The following IGSF11 variants were observed in gnomAD, a reference collection of about 807,000 sequenced individuals.
IGSF11 encodes the protein immunoglobulin superfamily member 11, also known as CXADR like 1.
In IGSF11, 22 loss-of-function variants were observed where a neutral mutation model predicts 41.0. That is an observed-to-expected ratio of 0.54 (90% CI 0.38 to 0.77). The LOEUF is 0.77. IGSF11 is among the 30% of genes least tolerant of loss of function. The pLI is 0.00. For synonymous variants in IGSF11, 219 were observed against 201.3 expected (o/e 1.09, Z -0.74); for missense variants, 444 against 530.8 (o/e 0.84, Z 1.61).
chr3:119,142,003 C>T (rs1301875886), intron 1 of IGSF11, among the ~76,000 whole-genome samples: 2 of 151,998 alleles, frequency 1.3e-5, no homozygotes, highest in Non-Finnish European at 1.5e-5. Context: ...TGGCCGGGCG[C>T]GGTGGCTCAC....
At chr3:119,077,659 G>C (rs907019532) in intron 1 of IGSF11, among the ~76,000 whole-genome samples, 36 of 151,992 alleles carry the variant, frequency 2.4e-4, no homozygotes, top group African/African-American at 8.0e-4. Context: ...ATTCAACATA[G>C]CACTGGAAGT....
At chr3:119,121,711 C>T (rs1244888712) in intron 1 of IGSF11, among the ~76,000 whole-genome samples, 2 of 152,052 alleles carry the variant, frequency 1.3e-5, no homozygotes, top group Non-Finnish European at 2.9e-5. Context: ...CCAAAAAGCT[C>T]AATGAACTCC....
rs1260928087 is a variant in IGSF11, at chr3:118,901,248, A to C, written c.*1272T>G. On this transcript the variant is annotated 3_prime_UTR_variant, in exon 7 of 7. Coordinates refer to ENST00000393775, the MANE Select transcript of IGSF11 (RefSeq NM_001015887.3). Reference sequence around the variant, plus strand: ...AATCTGGTGAACCGCAAGGCCAGCCAAGCCAGGTAGTAACCACAAAAGTAA... The same window carrying C: ...AATCTGGTGAACCGCAAGGCCAGCCCAGCCAGGTAGTAACCACAAAAGTAA... 2 of 152,242 alleles carry C rather than the reference A, an allele frequency of 1.3e-5. No individual in the cohort carries two copies. Among genetic ancestry groups the C allele is most frequent in the African/African-American group, 4.8e-5 (2 of 41,448 alleles). 9.4% of individuals were successfully genotyped at this position (152,242 alleles called of 1,614,324 possible).
intron 1 of IGSF11, among the ~76,000 whole-genome samples, chr3:119,083,435 T>G (rs538042067): frequency 2.4e-4 from 36 of 151,868 alleles, no homozygotes; most frequent in African/African-American, 8.0e-4. Flanking sequence ...TATTCCCACC[T>G]CCTTTCCTAT....
At chr3:118,943,468 G>C (rs538314578) in intron 1 of IGSF11, among the ~76,000 whole-genome samples, 1 of 152,256 alleles carries the variant, frequency 6.6e-6, no homozygotes, top group Non-Finnish European at 1.5e-5. Flanking sequence ...AGAGAAAACT[G>C]ACAGAATCTA....
At chr3:119,025,544 A>G (rs1302555421) in intron 1 of IGSF11, among the ~76,000 whole-genome samples, 3 of 152,198 alleles carry the variant, frequency 2.0e-5, no homozygotes, top group Non-Finnish European at 2.9e-5. Flanking sequence ...TAAGAAGGCC[A>G]TCTCCATTTC....
chr3:118,975,754 A>AC (rs1934024402), intron 1 of IGSF11, among the ~76,000 whole-genome samples: 1 of 152,344 alleles, frequency 6.6e-6, no homozygotes, highest in South Asian at 2.1e-4. Flanking sequence ...ATCCTAAGTG[A>AC]ATTAATGCAA....
chr3:119,101,050 T>C (rs970110470), intron 1 of IGSF11, among the ~76,000 whole-genome samples: 9 of 152,220 alleles, frequency 5.9e-5, no homozygotes, highest in African/African-American at 2.2e-4. Flanking sequence ...TCTTCCTCAC[T>C]ACTCATCATT....
chr3:118,973,601 A>G (rs1223130275), intron 1 of IGSF11, among the ~76,000 whole-genome samples: 3 of 152,094 alleles, frequency 2.0e-5, no homozygotes, highest in Non-Finnish European at 4.4e-5. Context: ...TCAACTTCTC[A>G]GCATTGCTAC....
chr3:118,974,425 T>C (rs1302385859), intron 1 of IGSF11, among the ~76,000 whole-genome samples: 3 of 152,156 alleles, frequency 2.0e-5, no homozygotes, highest in East Asian at 1.9e-4. Flanking sequence ...GTGTTGGCAA[T>C]TGCAATTAAG....
At chr3:119,086,414 C>G (rs2076673847) in intron 1 of IGSF11, among the ~76,000 whole-genome samples, 1 of 151,936 alleles carries the variant, frequency 6.6e-6, no homozygotes, top group African/African-American at 2.4e-5. Context: ...ACACAAGTCA[C>G]CATCCCCAAG....
In IGSF11 at chr3:119,110,501, C is replaced by G. The variant is rs187685254; in HGVS notation, c.-13-5296G>C. The stretch of plus-strand genomic sequence containing the variant: ...ATGTGTGTCTCTGCACGTGAGATGG[C>G]TTTCCTGAATACAGCACACTGATGG... On this transcript the variant is annotated intron_variant, in intron 1 of 7. Coordinates refer to the IGSF11 transcript ENST00000425327. 4.8e-3 allele frequency among the ~76,000 whole-genome samples: 724 copies of G among 152,052 alleles called. 4 individuals are homozygous for G. Among genetic ancestry groups the G allele is most frequent in the African/African-American group, 0.016 (663 of 41,494 alleles).
chr3:119,001,584 T>C (rs1936866771), intron 1 of IGSF11, among the ~76,000 whole-genome samples: 1 of 142,580 alleles, frequency 7.0e-6, no homozygotes, highest in African/African-American at 2.6e-5. Context: ...ACTCGTCATC[T>C]AGCATTAGGT....
chr3:118,928,536 T>C lies in IGSF11; in HGVS notation c.397A>G (p.Ile133Val), dbSNP rs1942561177. The C allele has an allele frequency of 6.2e-7, 1 of 1,613,152 alleles. No individual in the cohort carries two copies. The change falls in exon 3 of 7, where the codon ATT becomes GTT. Residue 133 changes from isoleucine (I) to valine (V), a missense_variant. Around this residue, in one of 3 missense-constraint regions of IGSF11, gnomAD observed 193 missense variants for 283.5 expected, o/e 0.68. Coordinates refer to ENST00000393775, the MANE Select transcript of IGSF11 (RefSeq NM_001015887.3). ...NNLPDIGGRN[I>V]GVTGLTVLVP... Reference sequence around the variant, plus strand: ...AACACTGTGAGACCGGTGACCCCAATGTTCCTGCCCCCTATGTCTGGAAGG... The same window carrying C: ...AACACTGTGAGACCGGTGACCCCAACGTTCCTGCCCCCTATGTCTGGAAGG...
intron 1 of IGSF11, among the ~76,000 whole-genome samples, chr3:119,143,314 A>G (rs2077673975): frequency 6.6e-6 from 1 of 152,226 alleles, no homozygotes; most frequent in African/African-American, 2.4e-5. Context: ...TTGTGACAAC[A>G]ATAACACACA....
At chr3:118,996,260 A>G (rs914773278) in intron 1 of IGSF11, among the ~76,000 whole-genome samples, 15 of 152,196 alleles carry the variant, frequency 9.9e-5, no homozygotes, top group Non-Finnish European at 2.1e-4. Flanking sequence ...AGTACATGGC[A>G]CCAGATTATG....
chr3:118,925,163 G>A (rs1226993917), intron 4 of IGSF11, among the ~76,000 whole-genome samples: 1 of 152,126 alleles, frequency 6.6e-6, no homozygotes, highest in East Asian at 1.9e-4. Flanking sequence ...AACATTTGCT[G>A]GGATTACTAG....
chr3:119,112,610 G>A (rs1179298945), intron 1 of IGSF11: 5 of 153,016 alleles, frequency 3.3e-5, no homozygotes, highest in African/African-American at 4.8e-5. Context: ...ACTGTCCTGC[G>A]CCCACTGTCT....
At chr3:119,079,627 C>A (rs568720442) in intron 1 of IGSF11, among the ~76,000 whole-genome samples, 2 of 152,204 alleles carry the variant, frequency 1.3e-5, no homozygotes, top group Admixed American at 1.3e-4. Context: ...AGACAGGAAT[C>A]AACCTAGATG....
Sources: allele counts gnomAD v4.1 joint callset (sites outside exome capture counted in the v4.1 genomes callset), GRCh38; gene constraint gnomAD v4.1.1; regional missense constraint gnomAD v4.1.1; transcripts MANE v1.5; gene names NCBI Gene and HGNC (gene_info 2026-07-23, HGNC 2026-07-21).